The following PLAAT4 variants were observed in gnomAD, a reference collection of about 807,000 sequenced individuals.
PLAAT4 encodes the protein phospholipase A and acyltransferase 4, also known as HRAS-like suppressor 4.
In PLAAT4, 12 loss-of-function variants were observed where a neutral mutation model predicts 14.1. The observed-to-expected ratio is 0.85, with a 90% CI of 0.54 to 1.37. PLAAT4 has a LOEUF of 1.37. PLAAT4 is among the 40% of genes most tolerant of loss of function. The pLI is 0.00. For missense variants in PLAAT4, 163 were observed against 211.7 expected (o/e 0.77, Z 1.43); for synonymous variants, 77 against 79.8 (o/e 0.96, Z 0.19).
Position 63,539,568 on chromosome 11 carries a change from A to G in PLAAT4, c.62A>G (p.Tyr21Cys), listed in dbSNP as rs1021009310. Residue 21 changes from tyrosine (Y) to cysteine (C), a missense_variant, in exon 2 of 4, where the codon TAT becomes TGT. Coordinates refer to ENST00000255688, the MANE Select transcript of PLAAT4 (RefSeq NM_004585.5). The stretch of plus-strand genomic sequence containing the variant: ...CTGATTGAGATTTTCCGCCTTGGCT[A>G]TGAGCACTGGGCCCTGTATATAGGA... ...GDLIEIFRLG[Y>C]EHWALYIGDG... The G allele has an allele frequency of 2.5e-6, 4 of 1,613,990 alleles. No individual in the cohort carries two copies. The highest frequency in any genetic ancestry group is 3.4e-6 in the Non-Finnish European group (4 of 1,179,958).
chr11:63,539,709 C>T, intron 2 of PLAAT4, 85 bp downstream of exon 2: 1 of 1,069,520 alleles, frequency 9.3e-7, no homozygotes. Flanking sequence ...TGCCTGTAAT[C>T]CCAGCACTTT....
rs372072477 is a variant in PLAAT4, at chr11:63,546,294, G to T, written c.*38G>T. On this transcript the variant is annotated 3_prime_UTR_variant, in exon 4 of 4. Transcript: ENST00000255688. ...ATCCTGTGTTAGAAGCAGCTGTGGG[G>T]GTCCCAGTGGAGATGAGCCTCCCCC... The T allele has an allele frequency of 1.9e-6, 3 of 1,592,848 alleles. No homozygotes were observed. The highest frequency in any genetic ancestry group is 2.7e-5 in the African/African-American group (2 of 74,390).
chr11:63,537,393 C>T (rs1279189993), intron 1 of PLAAT4, among the ~76,000 whole-genome samples: 2 of 152,002 alleles, frequency 1.3e-5, no homozygotes, highest in African/African-American at 4.8e-5. Context: ...CCAGATGTAC[C>T]GATTGGCAGA....
intron 2 of PLAAT4, among the ~76,000 whole-genome samples, chr11:63,541,478 C>T (rs2017320671): frequency 6.6e-6 from 1 of 151,962 alleles, no homozygotes; most frequent in African/African-American, 2.4e-5. Context: ...GCATGAGCCA[C>T]CGCGCTCAGC....
intron 1 of PLAAT4, among the ~76,000 whole-genome samples, chr11:63,537,138 G>A (rs1396798749): frequency 6.6e-6 from 1 of 152,212 alleles, no homozygotes; most frequent in African/African-American, 2.4e-5. Flanking sequence ...GAGCTGTGGG[G>A]TGCCGGGTGT....
At position 63,546,146 on chromosome 11, in the gene PLAAT4, C is replaced by T. The variant is rs1590665418; in HGVS notation, c.388-3C>T. On this transcript the variant is annotated splice_region_variant and splice_polypyrimidine_tract_variant and intron_variant, in intron 3 of 3. Transcript: ENST00000255688. Reference sequence around the variant, plus strand: ...CGCTCAACAAAAGCTGCTTGCTTTGCAGGTGGAAAAGGCCAAGGTTGAAGT... The same window carrying T: ...CGCTCAACAAAAGCTGCTTGCTTTGTAGGTGGAAAAGGCCAAGGTTGAAGT... 6.2e-7 allele frequency: 1 copy of T among 1,612,900 alleles called. No individual in the cohort carries two copies. Among genetic ancestry groups the T allele is most frequent in the Non-Finnish European group, 8.5e-7 (1 of 1,178,984 alleles).
chr11:63,540,837 AAAC>A (rs1309318447), intron 2 of PLAAT4, among the ~76,000 whole-genome samples: 7 of 152,296 alleles, frequency 4.6e-5, no homozygotes, highest in East Asian at 3.9e-4. Context: ...TTGTCTCAAA[AAAC>A]AACAACAAAA....
intron 1 of PLAAT4, among the ~76,000 whole-genome samples, chr11:63,537,410 AG>A (rs1317446964): frequency 2.0e-5 from 3 of 152,180 alleles, no homozygotes; most frequent in African/African-American, 7.2e-5. Flanking sequence ...CAGAAGCTCT[AG>A]GGAGAGCAGG....
At chr11:63,543,439 G>A (rs1448825798) in intron 2 of PLAAT4, among the ~76,000 whole-genome samples, 7 of 152,244 alleles carry the variant, frequency 4.6e-5, no homozygotes, top group African/African-American at 1.7e-4. Flanking sequence ...TAGCTGAGAC[G>A]AGATGATAGG....
chr11:63,546,108 G>C (rs1431455858), intron 3 of PLAAT4, 41 bp from the exon 4 acceptor site: 22 of 1,550,944 alleles, frequency 1.4e-5, no homozygotes, highest in Non-Finnish European at 2.0e-5. Flanking sequence ...GTGCCAGCCT[G>C]GCTTGCCGTG....
chr11:63,541,586 C>CA (rs1447962551), intron 2 of PLAAT4, among the ~76,000 whole-genome samples: 1 of 144,048 alleles, frequency 6.9e-6, no homozygotes, highest in African/African-American at 2.6e-5. Context: ...GGCTGGTGTA[C>CA]AGTGATGTGA....
chr11:63,545,977 G>T (rs2017361706), intron 3 of PLAAT4, among the ~76,000 whole-genome samples, 172 bp from the exon 4 acceptor site: 1 of 152,130 alleles, frequency 6.6e-6, no homozygotes, highest in Non-Finnish European at 1.5e-5. Context: ...ACAACCAACG[G>T]CTTCTCTGGG....
At chr11:63,539,753 G>C (rs918301523) in intron 2 of PLAAT4, 129 bp downstream of exon 2, 5 of 579,778 alleles carry the variant, frequency 8.6e-6, no homozygotes, top group Admixed American at 3.1e-5. Context: ...CCTGAGGTCA[G>C]GAGTTCAAGA....
chr11:63,539,604 T>A lies in PLAAT4; in HGVS notation c.98T>A (p.Val33Glu), dbSNP rs1350117076. 6 of 1,610,840 alleles carry A rather than the reference T, an allele frequency of 3.7e-6. No homozygotes were observed. In the South Asian group the frequency reaches 6.6e-5, roughly 18 times the overall value. Residue 33 changes from valine to glutamate, a missense_variant, in exon 2 of 4, where the codon GTG becomes GAG. Coordinates refer to ENST00000255688, the MANE Select transcript of PLAAT4 (RefSeq NM_004585.5). ...HWALYIGDGY[V>E]IHLAPPSEYP... is the part of the protein sequence containing the mutation. ...GCCCTGTATATAGGAGATGGCTACG[T>A]GATCCATCTGGCTCCTCCAAGTAAG...
In PLAAT4 at chr11:63,544,941, G is replaced by A. The variant is rs146246859; in HGVS notation, c.387+52G>A. On this transcript the variant is annotated intron_variant, in intron 3 of 3. Transcript: ENST00000255688. ...TCCCTCTGCTTGGGGCTGGACTCAC[G>A]GGGCTGTGCAGCCAGGCGATCACTG... The A allele has an allele frequency of 6.7e-4, 1,073 of 1,611,658 alleles. 1 individual carries two copies. Among genetic ancestry groups the A allele is most frequent in the African/African-American group, 2.1e-3 (160 of 74,962 alleles).
chr11:63,540,500 C>T (rs977737588), intron 2 of PLAAT4, among the ~76,000 whole-genome samples: 1 of 151,388 alleles, frequency 6.6e-6, no homozygotes. Flanking sequence ...ATGAAGGAAA[C>T]GTATGTATGG....
In PLAAT4 at chr11:63,544,891, T is replaced by C. The variant is rs1441981888; in HGVS notation, c.387+2T>C. 2.5e-6 allele frequency: 4 copies of C among 1,614,196 alleles called. No homozygotes were observed. The highest frequency in any genetic ancestry group is 2.5e-6 in the Non-Finnish European group (3 of 1,180,022). ...TATGGCAAGTCCCGCTGTAAACAGG[T>C]AAGGACCTCTCTGGATAATCCATCT... On this transcript the variant is annotated splice_donor_variant, in intron 3 of 3. Transcript: ENST00000255688. LOFTEE classifies it high-confidence loss of function.
At chr11:63,545,991 G>A (rs1248805668) in intron 3 of PLAAT4, among the ~76,000 whole-genome samples, 158 bp from the exon 4 acceptor site, 1 of 152,132 alleles carries the variant, frequency 6.6e-6, no homozygotes, top group East Asian at 1.9e-4. Flanking sequence ...CTCTGGGAGA[G>A]GATTCTGAGC....
chr11:63,542,422 C>A (rs115157923), intron 2 of PLAAT4, among the ~76,000 whole-genome samples: 1 of 152,210 alleles, frequency 6.6e-6, no homozygotes, highest in Admixed American at 6.5e-5. Context: ...ACATAGGACA[C>A]AGAAAGCCTA....
Sources: allele counts gnomAD v4.1 joint callset (sites outside exome capture counted in the v4.1 genomes callset), GRCh38; gene constraint gnomAD v4.1.1; transcripts MANE v1.5; gene names NCBI Gene and HGNC (gene_info 2026-07-23, HGNC 2026-07-21).